CNTNAP5: variants seen among roughly 807,000 people sequenced by gnomAD.
CNTNAP5 encodes the protein contactin associated protein family member 5.
In CNTNAP5, 72 loss-of-function variants were observed where a neutral mutation model predicts 150.2. The observed-to-expected ratio is 0.48, with a 90% CI of 0.40 to 0.58. CNTNAP5 has a LOEUF of 0.58. CNTNAP5 is among the 20% of genes least tolerant of loss of function. The pLI is 0.00. For missense variants in CNTNAP5, 1,636 were observed against 1,626.2 expected, an observed-to-expected ratio of 1.01 and a Z score of -0.10; for synonymous variants, 672 against 619.8, an observed-to-expected ratio of 1.08 and a Z score of -1.25.
At position 124,124,275 on chromosome 2, in the gene CNTNAP5, C is replaced by A. The variant is rs140308225; in HGVS notation, c.83-97430C>A. On this transcript the variant is annotated intron_variant, in intron 1 of 23. Transcript: ENST00000682447. ...AACTATGTGACGCATGTGCAAGCTT[C>A]AGTAGATGATTTGATCAAGTGGAAG... 1.5e-3 allele frequency among the ~76,000 whole-genome samples: 228 copies of A among 152,048 alleles called. 2 individuals carry two copies. Among genetic ancestry groups the A allele is most frequent in the African/African-American group, 5.3e-3 (218 of 41,476 alleles).
chr2:124,340,879 T>C (rs1689596801), intron 3 of CNTNAP5, among the ~76,000 whole-genome samples: 1 of 146,630 alleles, frequency 6.8e-6, no homozygotes, highest in African/African-American at 2.5e-5. Flanking sequence ...TATACACATA[T>C]ATATATACAT....
intron 7 of CNTNAP5, among the ~76,000 whole-genome samples, chr2:124,496,787 G>C (rs1694159626): frequency 6.6e-6 from 1 of 152,180 alleles, no homozygotes; most frequent in African/African-American, 2.4e-5. Context: ...CGGTAGAGGA[G>C]TCTCAATGGG....
chr2:124,025,351 C>CA lies in CNTNAP5; in HGVS notation c.-300_-299insA. On this transcript the variant is annotated 5_prime_UTR_variant, in exon 1 of 24. Transcript: ENST00000682447. ...CCACCGAGCTCCGGCGCCTGTCGTT[C>CA]TAATTGGGTTTGGATTTGCACCGTT... The CA allele has an allele frequency of 2.8e-6, 1 of 354,444 alleles. No homozygotes were observed. The highest frequency in any genetic ancestry group is 5.3e-6 in the Non-Finnish European group (1 of 187,250). The allele number at this position is 354,444 out of a possible 1,614,324, so 22.0% of individuals were successfully genotyped here.
At chr2:124,720,390 T>C (rs1383921860) in intron 13 of CNTNAP5, among the ~76,000 whole-genome samples, 2 of 152,198 alleles carry the variant, frequency 1.3e-5, no homozygotes, top group Non-Finnish European at 2.9e-5. Context: ...TTTTTCCCAG[T>C]TGAAGCTGTA....
At chr2:124,589,993 G>T (rs1048895610) in intron 11 of CNTNAP5, among the ~76,000 whole-genome samples, 11 of 152,034 alleles carry the variant, frequency 7.2e-5, no homozygotes, top group Non-Finnish European at 5.9e-5. Context: ...TTCCTGAATG[G>T]GTTAATGCTG....
At chr2:124,268,300 G>A (rs745776780) in intron 3 of CNTNAP5, among the ~76,000 whole-genome samples, 9 of 152,272 alleles carry the variant, frequency 5.9e-5, no homozygotes, top group African/African-American at 1.7e-4. Context: ...CCCTTTGAGT[G>A]TCGATTTGTA....
At chr2:124,084,458 G>C (rs898374892) in intron 1 of CNTNAP5, among the ~76,000 whole-genome samples, 1 of 151,716 alleles carries the variant, frequency 6.6e-6, no homozygotes, top group African/African-American at 2.4e-5. Flanking sequence ...GTAGACATGG[G>C]GTTTGTTTCA....
At chr2:124,706,782 GAAGAAGAAGA>G (rs1679652829) in intron 13 of CNTNAP5, among the ~76,000 whole-genome samples, 3 of 35,712 alleles carry the variant, frequency 8.4e-5, no homozygotes, top group Non-Finnish European at 1.6e-4. Flanking sequence ...AGAAGAAGAA[GAAGAAGAAGA>G]AGAAGGAGGA....
At chr2:124,336,256 C>T (rs955914850) in intron 3 of CNTNAP5, among the ~76,000 whole-genome samples, 2 of 151,718 alleles carry the variant, frequency 1.3e-5, no homozygotes, top group African/African-American at 4.9e-5. Flanking sequence ...GTCTTCCCTC[C>T]CTAAAGGGGT....
At chr2:124,147,221 C>T (rs573683821) in intron 1 of CNTNAP5, among the ~76,000 whole-genome samples, 1 of 152,208 alleles carries the variant, frequency 6.6e-6, no homozygotes, top group Admixed American at 6.5e-5. Flanking sequence ...CAGAACATAA[C>T]TTCTTCTTTA....
At chr2:124,175,478 G>A (rs570204954) in intron 1 of CNTNAP5, among the ~76,000 whole-genome samples, 6 of 151,886 alleles carry the variant, frequency 4.0e-5, no homozygotes, top group South Asian at 4.2e-4. Flanking sequence ...TGGGGTACAC[G>A]TACAAGTTTG....
chr2:124,706,788 G>GAAGA (rs1558742961), intron 13 of CNTNAP5, among the ~76,000 whole-genome samples: 1 of 35,528 alleles, frequency 2.8e-5, no homozygotes, highest in African/African-American at 1.1e-4. Flanking sequence ...AGAAGAAGAA[G>GAAGA]AAGAAGAAGG....
chr2:124,473,752 G>A (rs76826856), intron 6 of CNTNAP5, among the ~76,000 whole-genome samples: 3,333 of 151,908 alleles, frequency 0.022, 71 homozygotes, highest in African/African-American at 0.054. Flanking sequence ...AATGGTATTG[G>A]GATAAACCTG....
chr2:124,222,280 T>C lies in CNTNAP5; in HGVS notation c.187+471T>C, dbSNP rs530549573. Among the ~76,000 whole-genome samples, 6 of 152,116 alleles carry C rather than the reference T, an allele frequency of 3.9e-5. No homozygotes were observed. In the South Asian group the frequency reaches 6.2e-4, roughly 16 times the overall value. On this transcript the variant is annotated intron_variant, in intron 2 of 23. Coordinates refer to ENST00000682447, the MANE Select transcript of CNTNAP5 (RefSeq NM_001367498.1). The stretch of plus-strand genomic sequence containing the variant: ...ATAAATAATCTGTTATTCTACCAGC[T>C]AGAAATAACTGTAGTTAAGTATATG...
At chr2:124,369,722 A>G (rs1399377295) in intron 3 of CNTNAP5, among the ~76,000 whole-genome samples, 4 of 152,192 alleles carry the variant, frequency 2.6e-5, no homozygotes, top group Non-Finnish European at 4.4e-5. Context: ...AAATCACTCA[A>G]AAAATGGTAT....
intron 3 of CNTNAP5, among the ~76,000 whole-genome samples, chr2:124,385,523 T>G (rs1319920022): frequency 6.6e-6 from 1 of 152,230 alleles, no homozygotes; most frequent in Non-Finnish European, 1.5e-5. Context: ...GACTATATTC[T>G]CTGGGGGCAA....
chr2:124,788,603 C>CTTTCTT (rs745963953), intron 17 of CNTNAP5, among the ~76,000 whole-genome samples: 15 of 136,294 alleles, frequency 1.1e-4, no homozygotes, highest in Admixed American at 2.2e-4. Context: ...TTCTTTCTTT[C>CTTTCTT]TTTTTTTTTT....
intron 13 of CNTNAP5, among the ~76,000 whole-genome samples, chr2:124,673,036 A>G (rs968409799): frequency 1.3e-5 from 2 of 152,160 alleles, no homozygotes; most frequent in Non-Finnish European, 2.9e-5. Flanking sequence ...TGTAATTGCT[A>G]ACATATATCA....
intron 19 of CNTNAP5, among the ~76,000 whole-genome samples, chr2:124,801,901 C>T (rs916034468): frequency 2.6e-5 from 4 of 152,024 alleles, no homozygotes; most frequent in African/African-American, 7.3e-5. Context: ...ATCAGAAAAC[C>T]ACAGGGTTTA....
Sources: allele counts gnomAD v4.1 joint callset (sites outside exome capture counted in the v4.1 genomes callset), GRCh38; gene constraint gnomAD v4.1.1; transcripts MANE v1.5; gene names NCBI Gene and HGNC (gene_info 2026-07-23, HGNC 2026-07-21).